The following DNAAF5 variants were observed in gnomAD, a reference collection of about 807,000 sequenced individuals.
The protein encoded by DNAAF5 is dynein axonemal assembly factor 5, also known as HEAT repeat containing 2.
DNAAF5 carries 64 observed loss-of-function variants against 75.8 expected under a neutral mutation model. The observed-to-expected ratio is 0.84, with a 90% CI of 0.69 to 1.04. The LOEUF is 1.04. DNAAF5 is among the 50% of genes least tolerant of loss of function. DNAAF5 has a pLI of 0.00. For synonymous variants in DNAAF5, 657 were observed against 557.2 expected (o/e 1.18, Z -2.52); for missense variants, 1,269 against 1,178.5 (o/e 1.08, Z -1.12).
chr7:780,123 G>A lies in DNAAF5; in HGVS notation c.2410G>A (p.Ala804Thr). ...LLVHLDDPER[A>T]IQDAILEVLK... ...GGTTCACCTTGACGATCCAGAGAGG[G>A]CCATCCAGGATGCAATTTTAGGTGA... The change falls in exon 12 of 13, where the codon GCC (alanine) becomes ACC (threonine). Residue 804 changes from alanine to threonine, a missense_variant. Transcript: ENST00000297440. 1 of 1,614,014 alleles carries A rather than the reference G, an allele frequency of 6.2e-7. No individual in the cohort carries two copies. The highest frequency in any genetic ancestry group is 2.2e-5 in the East Asian group (1 of 44,878).
intron 9 of DNAAF5, among the ~76,000 whole-genome samples, chr7:773,761 A>G (rs185794325): frequency 6.6e-6 from 1 of 152,088 alleles, no homozygotes; most frequent in East Asian, 1.9e-4. Flanking sequence ...CTGAAAGTGC[A>G]CCCTCGGCCC....
Position 746,173 on chromosome 7 carries a change from T to G in DNAAF5, c.1024+4708T>G, listed in dbSNP as rs529161335. ...TTTTTTGAGTCTCTTCCTCAGAAGT[T>G]TGCACTGGCCCTGTATTGCCAAGCA... On this transcript the variant is annotated intron_variant, in intron 4 of 12. Transcript: ENST00000297440. 1.2e-4 allele frequency among the ~76,000 whole-genome samples: 18 copies of G among 152,282 alleles called. No homozygotes were observed. In the South Asian group the frequency reaches 3.7e-3, roughly 32 times the overall value.
intron 6 of DNAAF5, among the ~76,000 whole-genome samples, chr7:761,329 T>G (rs1035552227): frequency 6.6e-6 from 1 of 152,390 alleles, no homozygotes. Context: ...GGGCGGGCTC[T>G]GTCGGCCCTG....
intron 8 of DNAAF5, among the ~76,000 whole-genome samples, chr7:766,882 A>C (rs1195712607): frequency 6.6e-6 from 1 of 152,202 alleles, no homozygotes; most frequent in African/African-American, 2.4e-5. Context: ...AATTAATACA[A>C]CTAATAAGCA....
In DNAAF5 at chr7:730,890, C is replaced by T. The variant is rs557076403; in HGVS notation, c.780+1043C>T. Among the ~76,000 whole-genome samples, 4 of 152,306 alleles carry T rather than the reference C, an allele frequency of 2.6e-5. No individual in the cohort carries two copies. In the South Asian group the frequency reaches 6.2e-4, roughly 24 times the overall value. ...GCCCCTCCTGGAGCTGGCGTGGGTTCGGCACCAGGCAGCACAGAGGGCCCC... is the reference window on the plus strand; with the variant it reads ...GCCCCTCCTGGAGCTGGCGTGGGTTTGGCACCAGGCAGCACAGAGGGCCCC... On this transcript the variant is annotated intron_variant, in intron 2 of 12. Coordinates refer to ENST00000297440, the MANE Select transcript of DNAAF5 (RefSeq NM_017802.4).
chr7:736,998 AT>A (rs200445641), intron 2 of DNAAF5, among the ~76,000 whole-genome samples: 2,054 of 152,110 alleles, frequency 0.014, 35 homozygotes, highest in East Asian at 0.11. Flanking sequence ...CTACACCTTA[AT>A]TTTATGCCCT....
intron 4 of DNAAF5, among the ~76,000 whole-genome samples, chr7:744,438 C>T (rs997166672): frequency 6.6e-6 from 1 of 152,138 alleles, no homozygotes; most frequent in Non-Finnish European, 1.5e-5. Flanking sequence ...GATTTATAGT[C>T]CTTTGGGTAT....
chr7:738,917 A>G (rs1309937899), intron 2 of DNAAF5, among the ~76,000 whole-genome samples: 1 of 152,206 alleles, frequency 6.6e-6, no homozygotes, highest in Non-Finnish European at 1.5e-5. Context: ...GAGGTCAGGG[A>G]GGAGAAAGCA....
chr7:730,864 G>A (rs959126530), intron 2 of DNAAF5, among the ~76,000 whole-genome samples: 3 of 152,164 alleles, frequency 2.0e-5, no homozygotes, highest in Non-Finnish European at 2.9e-5. Context: ...TACGCTGGCC[G>A]GCCCCTCCTG....
chr7:756,448 G>T (rs1402213051), intron 5 of DNAAF5, among the ~76,000 whole-genome samples: 1 of 152,238 alleles, frequency 6.6e-6, no homozygotes, highest in East Asian at 1.9e-4. Flanking sequence ...AGGGGCTGGT[G>T]TGTATTGATC....
chr7:735,407 T>C (rs1272925067), intron 2 of DNAAF5, among the ~76,000 whole-genome samples: 2 of 151,960 alleles, frequency 1.3e-5, no homozygotes, highest in African/African-American at 4.8e-5. Context: ...TTGTTCTTCA[T>C]GGTGTAGCTG....
intron 5 of DNAAF5, among the ~76,000 whole-genome samples, chr7:755,575 CA>C: frequency 6.6e-6 from 1 of 152,170 alleles, no homozygotes; most frequent in African/African-American, 2.4e-5. Context: ...TGGTCCAGGT[CA>C]CTGTTACTAG....
At position 761,741 on chromosome 7, in the gene DNAAF5, G is replaced by A. The variant is rs370817681; in HGVS notation, c.1471-12G>A. 774 of 1,592,874 alleles carry A rather than the reference G, an allele frequency of 4.9e-4. 1 individual carries two copies. The highest frequency in any genetic ancestry group is 6.2e-4 in the Non-Finnish European group (729 of 1,170,744). On this transcript the variant is annotated splice_polypyrimidine_tract_variant and intron_variant, in intron 6 of 12. Coordinates refer to ENST00000297440, the MANE Select transcript of DNAAF5 (RefSeq NM_017802.4). ...TGTACCAAGCTCTGACGGTGCTGCC[G>A]GTCTCTTCCAGGACCTCTACCTGGA...
At chr7:740,987 A>C in intron 3 of DNAAF5, 44 bp downstream of exon 3, 1 of 1,602,974 alleles carries the variant, frequency 6.2e-7, no homozygotes, top group Non-Finnish European at 8.5e-7. Flanking sequence ...CTAAACGGTC[A>C]TGTGTAGCAG....
At chr7:727,415 C>G (rs1198774889) in intron 1 of DNAAF5, 100 bp downstream of exon 1, 2 of 544,568 alleles carry the variant, frequency 3.7e-6, no homozygotes, top group Non-Finnish European at 2.6e-6. Context: ...CGGCCCCGCC[C>G]CCCTCCACGC....
chr7:749,061 A>G (rs1782209273), intron 4 of DNAAF5, among the ~76,000 whole-genome samples: 1 of 152,198 alleles, frequency 6.6e-6, no homozygotes. Context: ...AGCTTTGCAG[A>G]CACAGCGTAA....
At chr7:784,070 C>T (rs182334206) in intron 12 of DNAAF5, among the ~76,000 whole-genome samples, 2 of 152,032 alleles carry the variant, frequency 1.3e-5, no homozygotes, top group Admixed American at 6.5e-5. Context: ...AGCAGGCTCC[C>T]TGGAAGCAGC....
chr7:744,731 T>C (rs1782026847), intron 4 of DNAAF5, among the ~76,000 whole-genome samples: 1 of 152,200 alleles, frequency 6.6e-6, no homozygotes, highest in Non-Finnish European at 1.5e-5. Flanking sequence ...TCAACCATTG[T>C]GGAAGTCAGT....
chr7:749,853 C>T (rs779067706), intron 4 of DNAAF5, among the ~76,000 whole-genome samples: 7 of 152,162 alleles, frequency 4.6e-5, no homozygotes, highest in Admixed American at 3.3e-4. Context: ...CGCGCACCAC[C>T]GCACCTGGAT....
Sources: gnomAD v4.1 joint callset for allele counts (sites outside exome capture counted in the v4.1 genomes callset) on GRCh38, gnomAD v4.1.1 for gene constraint, MANE v1.5 for transcripts, NCBI Gene and HGNC (gene_info 2026-07-23, HGNC 2026-07-21) for gene names.